The following DLG2 variants were observed in gnomAD, a reference collection of about 807,000 sequenced individuals.
DLG2 encodes disks large homolog 2.
DLG2 carries 45 observed loss-of-function variants against 132.5 expected under a neutral mutation model. The observed-to-expected ratio is 0.34, with a 90% confidence interval of 0.27 to 0.44. The LOEUF (loss-of-function observed/expected upper bound fraction) is 0.44, where lower values mean the gene tolerates loss of function less well. DLG2 is among the 20% of genes least tolerant of loss of function. The probability of loss-of-function intolerance (pLI) is 1.00; values close to 1 mark genes in which losing one functional copy is unlikely to be tolerated. For missense variants in DLG2, 1,045 were observed against 1,196.9 expected (o/e 0.87, Z 1.87); for synonymous variants, 424 against 419.6 (o/e 1.01, Z -0.13).
intron 9 of DLG2, among the ~76,000 whole-genome samples, chr11:84,139,039 G>A (rs1477122923): frequency 6.6e-6 from 1 of 151,192 alleles, no homozygotes; most frequent in Admixed American, 6.6e-5. Flanking sequence ...GAATAAGAAA[G>A]ATTATTTTTT....
intron 7 of DLG2, among the ~76,000 whole-genome samples, chr11:84,421,521 C>T (rs73523739): frequency 0.14 from 21,929 of 152,054 alleles, 3,259 homozygotes; most frequent in African/African-American, 0.38. Flanking sequence ...TCTCCTAAAG[C>T]GTCTCCTTGT....
At chr11:83,931,672 T>C (rs998686391) in intron 14 of DLG2, among the ~76,000 whole-genome samples, 2 of 152,230 alleles carry the variant, frequency 1.3e-5, no homozygotes, top group African/African-American at 4.8e-5. Context: ...TGAGATCCTG[T>C]ATTTTGTCCA....
intron 4 of DLG2, among the ~76,000 whole-genome samples, chr11:85,207,481 A>G (rs2081973713): frequency 6.6e-6 from 1 of 152,190 alleles, no homozygotes; most frequent in African/African-American, 2.4e-5. Flanking sequence ...GTAGCATTTG[A>G]GCTACCAACT....
chr11:83,542,496 C>T (rs369567877), intron 19 of DLG2, among the ~76,000 whole-genome samples: 1 of 152,078 alleles, frequency 6.6e-6, no homozygotes. Flanking sequence ...TATGGATAGA[C>T]AAAAATCATA....
At chr11:85,094,063 A>G (rs1216119632) in intron 6 of DLG2, among the ~76,000 whole-genome samples, 1 of 152,258 alleles carries the variant, frequency 6.6e-6, no homozygotes, top group Non-Finnish European at 1.5e-5. Flanking sequence ...CAAGATTTCA[A>G]CTTTAGGATT....
intron 22 of DLG2, among the ~76,000 whole-genome samples, chr11:83,477,701 T>TAAC (rs1246768743): frequency 1.3e-5 from 2 of 151,988 alleles, no homozygotes; most frequent in Admixed American, 1.3e-4. Flanking sequence ...TGGTAAAGTA[T>TAAC]AACAGTGAAA....
At chr11:84,202,558 G>A (rs564392958) in intron 8 of DLG2, among the ~76,000 whole-genome samples, 1 of 152,226 alleles carries the variant, frequency 6.6e-6, no homozygotes, top group Admixed American at 6.5e-5. Flanking sequence ...ATAGGCACAG[G>A]CAAAGATTTC....
At chr11:83,704,083 TA>T (rs1274932752) in intron 18 of DLG2, among the ~76,000 whole-genome samples, 10 of 152,232 alleles carry the variant, frequency 6.6e-5, no homozygotes. Context: ...AGTTATTTTT[TA>T]TTGCCTTATT....
chr11:84,084,753 T>C (rs945306081), intron 10 of DLG2, among the ~76,000 whole-genome samples: 3 of 152,198 alleles, frequency 2.0e-5, no homozygotes, highest in Admixed American at 6.5e-5. Context: ...TACATAATGA[T>C]TGTACATTTT....
At chr11:83,723,764 G>C (rs560900431) in intron 18 of DLG2, among the ~76,000 whole-genome samples, 3 of 151,460 alleles carry the variant, frequency 2.0e-5, no homozygotes, top group African/African-American at 4.8e-5. Flanking sequence ...GCTGAGGTGA[G>C]AGAATCACTT....
chr11:84,652,042 A>C (rs1420130683), intron 6 of DLG2, among the ~76,000 whole-genome samples: 6 of 152,198 alleles, frequency 3.9e-5, no homozygotes, highest in Admixed American at 3.9e-4. Context: ...AGAGAGGAAA[A>C]AAATAGGCTT....
intron 7 of DLG2, among the ~76,000 whole-genome samples, chr11:84,526,458 G>C (rs1201111729): frequency 2.0e-5 from 3 of 152,100 alleles, no homozygotes; most frequent in Non-Finnish European, 4.4e-5. Flanking sequence ...AAACCTAGAG[G>C]AAAGAACATT....
At chr11:83,923,854 T>A (rs2078423070) in intron 15 of DLG2, among the ~76,000 whole-genome samples, 1 of 152,134 alleles carries the variant, frequency 6.6e-6, no homozygotes, top group Admixed American at 6.5e-5. Flanking sequence ...GCAAAGCAGC[T>A]TGTGTCTTTG....
intron 8 of DLG2, among the ~76,000 whole-genome samples, chr11:84,234,942 GAGTCT>G (rs776324943): frequency 6.6e-6 from 1 of 152,308 alleles, no homozygotes; most frequent in East Asian, 1.9e-4. Flanking sequence ...AATTAACTAA[GAGTCT>G]GGCACCTTTT....
chr11:85,007,664 C>CAAAAAAAAAAAAAAAAAAAA (rs57188165), intron 6 of DLG2, among the ~76,000 whole-genome samples: 2 of 88,532 alleles, frequency 2.3e-5, no homozygotes, highest in Admixed American at 1.4e-4. Context: ...GACTCCGTCT[C>CAAAAAAAAAAAAAAAAAAAA]AAAAAAAAAA....
At chr11:83,838,865 T>C (rs569720684) in intron 16 of DLG2, among the ~76,000 whole-genome samples, 6 of 152,132 alleles carry the variant, frequency 3.9e-5, no homozygotes, top group Non-Finnish European at 8.8e-5. Flanking sequence ...CTCATACTCC[T>C]ATCAAAAATG....
intron 17 of DLG2, among the ~76,000 whole-genome samples, chr11:83,808,083 C>CCGTG (rs1389172618): frequency 6.6e-6 from 1 of 152,124 alleles, no homozygotes; most frequent in African/African-American, 2.4e-5. Flanking sequence ...CAGCCTCGTG[C>CCGTG]CGGTCATCAC....
At chr11:83,565,170 CT>C (rs1349908623) in intron 19 of DLG2, among the ~76,000 whole-genome samples, 1 of 152,164 alleles carries the variant, frequency 6.6e-6, no homozygotes, top group Non-Finnish European at 1.5e-5. Context: ...CCTCAGTACT[CT>C]GTTACTGAGT....
At chr11:84,798,216 A>G (rs541971353) in intron 6 of DLG2, among the ~76,000 whole-genome samples, 1 of 152,304 alleles carries the variant, frequency 6.6e-6, no homozygotes, top group African/African-American at 2.4e-5. Context: ...CTCTAGAATC[A>G]GCAGATGGCA....
Sources: gnomAD v4.1 joint callset for allele counts (sites outside exome capture counted in the v4.1 genomes callset) on GRCh38, gnomAD v4.1.1 for gene constraint, MANE v1.5 for transcripts, NCBI Gene and HGNC (gene_info 2026-07-23, HGNC 2026-07-21) for gene names.